FOXP4: variants seen among roughly 807,000 people sequenced by gnomAD.
The protein encoded by FOXP4 is forkhead box protein P4.
FOXP4 carries 25 observed loss-of-function variants against 82.6 expected under a neutral mutation model. That is an observed-to-expected ratio of 0.30 (90% CI 0.22 to 0.42). The LOEUF (loss-of-function observed/expected upper bound fraction) is 0.42. Among genes scored for constraint, FOXP4 ranks in the 10% least tolerant of loss-of-function variants. FOXP4 has a pLI of 1.00. For synonymous variants in FOXP4, 415 were observed against 388.2 expected (o/e 1.07, Z -0.81); for missense variants, 785 against 900.9 (o/e 0.87, Z 1.65).
At chr6:41,556,944 T>C (rs577031853) in intron 1 of FOXP4, among the ~76,000 whole-genome samples, 4 of 152,188 alleles carry the variant, frequency 2.6e-5, no homozygotes, top group Non-Finnish European at 5.9e-5. Context: ...GTTGGTTGGT[T>C]TTTTAAAGCT....
chr6:41,585,304 CTG>C (rs1766043083), intron 4 of FOXP4, 125 bp from the exon 5 acceptor site: 1 of 961,988 alleles, frequency 1.0e-6, no homozygotes, highest in East Asian at 2.6e-5. Flanking sequence ...TCCAGGCTGA[CTG>C]GGGAAAGCCA....
At chr6:41,568,989 C>G (rs1045440168) in intron 2 of FOXP4, among the ~76,000 whole-genome samples, 3 of 152,134 alleles carry the variant, frequency 2.0e-5, no homozygotes, top group Admixed American at 2.0e-4. Flanking sequence ...GGCTTGGCTG[C>G]CAGGCCAGGT....
chr6:41,598,371 C>G, intron 16 of FOXP4, among the ~76,000 whole-genome samples: 1 of 152,104 alleles, frequency 6.6e-6, no homozygotes, highest in East Asian at 1.9e-4. Context: ...TGCCTGCCAC[C>G]ATGCCCAGCT....
Position 41,591,790 on chromosome 6 carries a change from T to TG in FOXP4, c.1536+472dup, listed in dbSNP as rs1766528350. On this transcript the variant is annotated intron_variant, in intron 13 of 16. Transcript: ENST00000307972. This position sits in a 1 kb window ranked among gnomAD's most constrained non-coding sequence, Gnocchi z 4.2. ...GGACCAAGAGCCGTGGACCACACATTGGGGCACTGACGGCACTCACAGCCC... is the reference window on the plus strand; with the variant it reads ...GGACCAAGAGCCGTGGACCACACATTGGGGGCACTGACGGCACTCACAGCCC... 6.6e-6 allele frequency among the ~76,000 whole-genome samples: 1 copy of TG among 152,084 alleles called. No homozygotes were observed. Among genetic ancestry groups the TG allele is most frequent in the Admixed American group, 6.5e-5 (1 of 15,274 alleles).
In FOXP4 at chr6:41,597,692, T is replaced by C. The variant is rs910256439; in HGVS notation, c.1726-89T>C. 4.7e-6 allele frequency: 7 copies of C among 1,474,732 alleles called. No homozygotes were observed. In the Admixed American group the frequency reaches 1.2e-4, roughly 26 times the overall value. 91.4% of individuals were successfully genotyped at this position (1,474,732 alleles called of 1,614,324 possible). The stretch of plus-strand genomic sequence containing the variant: ...GCCAGTAGGCAGACACACAGGCAGC[T>C]CTCTAGTGGGCGGGGAAGGCACAGC... On this transcript the variant is annotated intron_variant, in intron 15 of 16. Coordinates refer to ENST00000307972, the MANE Select transcript of FOXP4 (RefSeq NM_001012426.2).
intron 14 of FOXP4, among the ~76,000 whole-genome samples, chr6:41,596,403 C>T (rs1429848533): frequency 1.3e-5 from 2 of 152,168 alleles, no homozygotes; most frequent in Non-Finnish European, 2.9e-5. Flanking sequence ...GGTGTCTGCT[C>T]CCCTCAAAGA....
chr6:41,554,212 C>T (rs1764156256), intron 1 of FOXP4, among the ~76,000 whole-genome samples: 2 of 152,252 alleles, frequency 1.3e-5, no homozygotes, highest in South Asian at 4.1e-4. Flanking sequence ...TTAACTGGAA[C>T]TTGCCTTTCT....
rs138740097 is a variant in FOXP4 at position 41,582,205 on chromosome 6, C to T, written c.301-2564C>T. Among the ~76,000 whole-genome samples the T allele has an allele frequency of 1.7e-4, 26 of 152,322 alleles. No individual in the cohort carries two copies. In the East Asian group the frequency reaches 4.4e-3, roughly 26 times the overall value. ...TCACCCCTGCTCCCACTGTCCCTTC[C>T]GGGTCAGGGTCAGGGCAGGTTATTT... On this transcript the variant is annotated intron_variant, in intron 3 of 16. Coordinates refer to ENST00000307972, the MANE Select transcript of FOXP4 (RefSeq NM_001012426.2).
At chr6:41,585,823 G>T (rs907766129) in intron 5 of FOXP4, among the ~76,000 whole-genome samples, 1 of 151,918 alleles carries the variant, frequency 6.6e-6, no homozygotes, top group Non-Finnish European at 1.5e-5. Context: ...CATGTGCCTT[G>T]TGGTCGCACC....
chr6:41,586,994 C>G lies in FOXP4; in HGVS notation c.511-15C>G. 1.9e-6 allele frequency: 3 copies of G among 1,566,558 alleles called. No homozygotes were observed. The highest frequency in any genetic ancestry group is 2.6e-6 in the Non-Finnish European group (3 of 1,150,804). ...TGGCACCCCTCTCTGCCCGCCCCCT[C>G]GGGCCCCTCACCAGGCACTGGGGAA... is the stretch of plus-strand genomic sequence containing the variant. On this transcript the variant is annotated splice_polypyrimidine_tract_variant and intron_variant, in intron 5 of 16. Transcript: ENST00000307972.
chr6:41,586,176 A>G (rs1766105005), intron 5 of FOXP4, among the ~76,000 whole-genome samples: 1 of 151,664 alleles, frequency 6.6e-6, no homozygotes, highest in South Asian at 2.1e-4. Flanking sequence ...CAGCACCCCC[A>G]GTCTCCCCCT....
chr6:41,578,069 C>T lies in FOXP4; in HGVS notation c.288C>T (p.Ala96=), dbSNP rs72858984. 47,287 of 1,613,246 alleles carry T rather than the reference C, an allele frequency of 0.029. 858 individuals carry two copies. The highest frequency in any genetic ancestry group is 0.034 in the Non-Finnish European group (39,994 of 1,179,710). ...GGAACAATGACAGCAAACAGTCTGCCTCTGCTGTGCAGGTGAGGAAGAGAG... is the reference window on the plus strand; with the variant it reads ...GGAACAATGACAGCAAACAGTCTGCTTCTGCTGTGCAGGTGAGGAAGAGAG... The part of the protein sequence containing the change: ...SPGNNDSKQS[A]SAVQVPVSVA... Residue 96 remains alanine (A), a synonymous_variant, in exon 3 of 17, where the codon GCC becomes GCT. Coordinates refer to ENST00000307972, the MANE Select transcript of FOXP4 (RefSeq NM_001012426.2).
chr6:41,548,050 C>G (rs925395748), intron 1 of FOXP4, among the ~76,000 whole-genome samples: 3 of 152,224 alleles, frequency 2.0e-5, no homozygotes, highest in Non-Finnish European at 4.4e-5. Context: ...CGTGAACACA[C>G]CTGCGTCCCA....
intron 1 of FOXP4, among the ~76,000 whole-genome samples, chr6:41,548,790 C>G (rs1276199784): frequency 6.6e-6 from 1 of 152,044 alleles, no homozygotes; most frequent in Non-Finnish European, 1.5e-5. Flanking sequence ...TCTGCCCGCC[C>G]CCGCGGAAAA....
Position 41,599,177 on chromosome 6 carries a change from C to A in FOXP4, c.*241C>A, listed in dbSNP as rs1581799967. Reference sequence around the variant, plus strand: ...AGTAGAGGACACGGAGGGTTCAGACCCCTCCTCAGACCCTCCCCACATCTG... The same window carrying A: ...AGTAGAGGACACGGAGGGTTCAGACACCTCCTCAGACCCTCCCCACATCTG... On this transcript the variant is annotated 3_prime_UTR_variant, in exon 17 of 17. Coordinates refer to ENST00000307972, the MANE Select transcript of FOXP4 (RefSeq NM_001012426.2). 2.3e-6 allele frequency: 1 copy of A among 439,634 alleles called. No individual in the cohort carries two copies. The highest frequency in any genetic ancestry group is 3.9e-5 in the East Asian group (1 of 25,648). The allele number at this position is 439,634 out of a possible 1,614,324, so 27.2% of individuals were successfully genotyped here. A position where few individuals can be genotyped will look rare whatever the true frequency, so the allele number is the denominator to read the frequency against.
intron 1 of FOXP4, among the ~76,000 whole-genome samples, chr6:41,561,677 G>A (rs1350451310): frequency 6.6e-6 from 1 of 152,180 alleles, no homozygotes; most frequent in Non-Finnish European, 1.5e-5. Context: ...TCTACACTGG[G>A]TGGAGTCCAC....
intron 2 of FOXP4, among the ~76,000 whole-genome samples, chr6:41,573,659 G>T (rs1417627608): frequency 6.6e-6 from 1 of 152,106 alleles, no homozygotes; most frequent in Non-Finnish European, 1.5e-5. Context: ...GGACCTACTG[G>T]GTGCCTGGCA....
chr6:41,562,973 G>A (rs1478211610), intron 1 of FOXP4, among the ~76,000 whole-genome samples: 1 of 152,206 alleles, frequency 6.6e-6, no homozygotes, highest in Non-Finnish European at 1.5e-5. Context: ...CTAGCCCTCA[G>A]GCTGACATGG....
At chr6:41,561,068 C>A (rs1033262750) in intron 1 of FOXP4, among the ~76,000 whole-genome samples, 2 of 152,228 alleles carry the variant, frequency 1.3e-5, no homozygotes, top group Non-Finnish European at 1.5e-5. Flanking sequence ...TTTGAAGAGC[C>A]AGGAGCCTCC....
Sources: allele counts gnomAD v4.1 joint callset (sites outside exome capture counted in the v4.1 genomes callset), GRCh38; gene constraint gnomAD v4.1.1; non-coding constraint Gnocchi (gnomAD v3.1); transcripts MANE v1.5; gene names NCBI Gene and HGNC (gene_info 2026-07-23, HGNC 2026-07-21).